The following ARHGAP32 variants were observed in gnomAD, a reference collection of about 807,000 sequenced individuals.
The protein encoded by ARHGAP32 is rho GTPase-activating protein 32.
A neutral mutation model predicts 186.5 loss-of-function variants in ARHGAP32; 51 were observed. The observed-to-expected ratio is 0.27, with a 90% CI of 0.22 to 0.35. ARHGAP32 has a LOEUF of 0.35. Ranked by LOEUF, ARHGAP32 falls within the 10% of genes least tolerant of loss-of-function variation. The pLI is 1.00. For missense variants in ARHGAP32, 2,186 were observed against 2,623.5 expected (o/e 0.83, Z 3.64); for synonymous variants, 950 against 964.3 (o/e 0.99, Z 0.27).
chr11:129,064,987 A>C, intron 7 of ARHGAP32, 54 bp from the exon 8 acceptor site: 2 of 1,401,560 alleles, frequency 1.4e-6, no homozygotes, highest in South Asian at 2.5e-5. Context: ...GCTCTCTGGC[A>C]GGGAAAACTG....
At chr11:129,116,290 A>G (rs532766155) in intron 5 of ARHGAP32, among the ~76,000 whole-genome samples, 2 of 152,142 alleles carry the variant, frequency 1.3e-5, no homozygotes, top group Non-Finnish European at 2.9e-5. Flanking sequence ...TCCACTATAG[A>G]TATATTTTTT....
intron 6 of ARHGAP32, among the ~76,000 whole-genome samples, chr11:129,072,898 G>C (rs986621763): frequency 1.3e-5 from 2 of 152,138 alleles, no homozygotes; most frequent in African/African-American, 4.8e-5. Flanking sequence ...TCTTACCACA[G>C]CCTCATTTTC....
intron 1 of ARHGAP32, among the ~76,000 whole-genome samples, chr11:129,273,569 T>G (rs1241630802): frequency 6.6e-6 from 1 of 152,166 alleles, no homozygotes; most frequent in African/African-American, 2.4e-5. Context: ...AAAAGTTGCT[T>G]CACTTTTTTG....
intron 22 of ARHGAP32, chr11:128,971,595 C>T (rs1364971199): frequency 1.3e-5 from 2 of 159,024 alleles, no homozygotes; most frequent in East Asian, 1.8e-4. Context: ...CAGTTGTACA[C>T]AGTTAGCAGT....
chr11:129,268,787 A>G (rs1945438882), intron 1 of ARHGAP32, among the ~76,000 whole-genome samples: 2 of 151,780 alleles, frequency 1.3e-5, no homozygotes, highest in East Asian at 1.9e-4. Context: ...GCAAATCACA[A>G]CTTTCTCTAC....
chr11:129,053,528 A>G (rs995750759), intron 10 of ARHGAP32, among the ~76,000 whole-genome samples: 4 of 152,168 alleles, frequency 2.6e-5, no homozygotes, highest in Admixed American at 2.6e-4. Context: ...ATTATTCATT[A>G]AATTATTACC....
chr11:129,042,917 T>C (rs570625822), intron 10 of ARHGAP32, among the ~76,000 whole-genome samples: 3 of 151,968 alleles, frequency 2.0e-5, no homozygotes, highest in Non-Finnish European at 2.9e-5. Flanking sequence ...AGATGGGAGG[T>C]GCCCTGGAAA....
chr11:129,178,012 G>T (rs1432409369), intron 1 of ARHGAP32, among the ~76,000 whole-genome samples: 1 of 151,044 alleles, frequency 6.6e-6, no homozygotes, highest in African/African-American at 2.4e-5. Flanking sequence ...GTCCCTGTTT[G>T]CAGATGACAT....
chr11:129,176,152 A>G (rs1475935398), intron 1 of ARHGAP32, among the ~76,000 whole-genome samples: 3 of 104,216 alleles, frequency 2.9e-5, no homozygotes, highest in Admixed American at 1.8e-4. Context: ...CTCTGATAAA[A>G]CAGACTTTAA....
At chr11:129,007,754 G>A (rs772965235) in intron 11 of ARHGAP32, among the ~76,000 whole-genome samples, 1 of 152,284 alleles carries the variant, frequency 6.6e-6, no homozygotes, top group South Asian at 2.1e-4. Context: ...TGCCCCTCAA[G>A]TCCATTGGCT....
intron 5 of ARHGAP32, among the ~76,000 whole-genome samples, chr11:129,108,301 T>C (rs922262672): frequency 6.6e-6 from 1 of 152,078 alleles, no homozygotes; most frequent in African/African-American, 2.4e-5. Flanking sequence ...AATGAAAAGA[T>C]GAAAAACTAT....
At chr11:129,059,275 T>C (rs1488857967) in intron 10 of ARHGAP32, among the ~76,000 whole-genome samples, 1 of 152,136 alleles carries the variant, frequency 6.6e-6, no homozygotes, top group Non-Finnish European at 1.5e-5. Flanking sequence ...TTTCTCTCCA[T>C]AAAAATGGAG....
intron 6 of ARHGAP32, among the ~76,000 whole-genome samples, chr11:129,070,109 T>C (rs1250691758): frequency 6.6e-6 from 1 of 152,058 alleles, no homozygotes; most frequent in African/African-American, 2.4e-5. Context: ...TAATTGAGAA[T>C]GCAAGATCTG....
At chr11:129,105,152 C>T (rs1421472697) in intron 5 of ARHGAP32, among the ~76,000 whole-genome samples, 1 of 152,136 alleles carries the variant, frequency 6.6e-6, no homozygotes, top group African/African-American at 2.4e-5. Context: ...CTACAACTAT[C>T]TGGAGCAAAA....
chr11:128,979,007 A>C, intron 18 of ARHGAP32, 92 bp from the exon 19 acceptor site: 4 of 1,178,386 alleles, frequency 3.4e-6, no homozygotes, highest in Non-Finnish European at 4.7e-6. Context: ...AAAGAACCAA[A>C]CAGGCTGGAG....
intron 10 of ARHGAP32, among the ~76,000 whole-genome samples, chr11:129,045,797 AATGAGAT>A (rs1301691846): frequency 2.6e-5 from 4 of 152,314 alleles, no homozygotes; most frequent in Middle Eastern, 3.4e-3. Context: ...CAGGGGTCAA[AATGAGAT>A]TCAACTCCAG....
At chr11:129,278,599 C>A (rs961550355) in intron 1 of ARHGAP32, among the ~76,000 whole-genome samples, 8 of 152,274 alleles carry the variant, frequency 5.3e-5, no homozygotes, top group South Asian at 4.1e-4. Flanking sequence ...CACTAATGCA[C>A]CACCGTCGTC....
chr11:129,167,505 AG>A, intron 1 of ARHGAP32, among the ~76,000 whole-genome samples: 1 of 152,330 alleles, frequency 6.6e-6, no homozygotes, highest in East Asian at 1.9e-4. Context: ...AAAATGCACT[AG>A]GTACACATAA....
intron 1 of ARHGAP32, among the ~76,000 whole-genome samples, chr11:129,271,634 A>G (rs1390534938): frequency 6.6e-6 from 1 of 152,176 alleles, no homozygotes; most frequent in Non-Finnish European, 1.5e-5. Context: ...CGGCATATAA[A>G]TGGTATTTGA....
Sources: allele counts gnomAD v4.1 joint callset (sites outside exome capture counted in the v4.1 genomes callset), GRCh38; gene constraint gnomAD v4.1.1; transcripts MANE v1.5; gene names NCBI Gene and HGNC (gene_info 2026-07-23, HGNC 2026-07-21).